Variants in TTC31 observed in about 807,000 individuals in gnomAD.
The protein encoded by TTC31 is tetratricopeptide repeat protein 31.
Under a neutral mutation model 60.4 loss-of-function variants are expected in TTC31, and 59 were observed. The observed-to-expected ratio is 0.98, with a 90% CI of 0.79 to 1.21. TTC31 has a LOEUF of 1.21. TTC31 is among the 50% of genes most tolerant of loss of function. TTC31 has a pLI of 0.00. For synonymous variants in TTC31, 225 were observed against 249.6 expected, an observed-to-expected ratio of 0.90 and a Z score of 0.93; for missense variants, 672 against 646.9, an observed-to-expected ratio of 1.04 and a Z score of -0.42.
chr2:74,490,191 A>G, intron 3 of TTC31, 53 bp from the exon 4 acceptor site: 1 of 1,610,688 alleles, frequency 6.2e-7, no homozygotes, highest in Non-Finnish European at 8.5e-7. Context: ...TGACCCTCAG[A>G]TGCACCCCGC....
Position 74,493,308 on chromosome 2 carries a change from C to G in TTC31, c.*90C>G. 7.5e-7 allele frequency: 1 copy of G among 1,333,474 alleles called. No homozygotes were observed. Among genetic ancestry groups the G allele is most frequent in the Non-Finnish European group, 1.0e-6 (1 of 969,288 alleles). 82.6% of individuals were successfully genotyped at this position (1,333,474 alleles called of 1,614,324 possible). ...TGACAGTTCACTGCATATTTTGAGA[C>G]CTTATTCTCTAGATCCATAGTTAAT... On this transcript the variant is annotated 3_prime_UTR_variant, in exon 13 of 13. Coordinates refer to ENST00000233623, the MANE Select transcript of TTC31 (RefSeq NM_022492.6).
rs887659704 is a variant in TTC31, at chr2:74,488,800, C to T, written c.130-1225C>T. On this transcript the variant is annotated intron_variant, in intron 2 of 12. Transcript: ENST00000233623. ...AAATAGTCGGCCGGGCACAGGGGCTCACACCTGCAATCCCAGCACTTTGGG... is the reference window on the plus strand; with the variant it reads ...AAATAGTCGGCCGGGCACAGGGGCTTACACCTGCAATCCCAGCACTTTGGG... 8.5e-5 allele frequency among the ~76,000 whole-genome samples: 13 copies of T among 152,160 alleles called. 1 individual carries two copies. Among genetic ancestry groups the T allele is most frequent in the Admixed American group, 7.9e-4 (12 of 15,270 alleles).
Position 74,492,319 on chromosome 2 carries a change from T to C in TTC31, c.1035T>C (p.Arg345=). ...NPQDHRLFGN[R]SFCHERLGQP... is the part of the protein sequence containing the mutation. ...TCTTTATCAGGTTATTTGGAAATCG[T>C]TCCTTCTGCCATGAGCGGTTGGGTC... The change falls in exon 11 of 13, where the codon CGT becomes CGC. Residue 345 remains arginine (R), a synonymous_variant. Coordinates refer to ENST00000233623, the MANE Select transcript of TTC31 (RefSeq NM_022492.6). The C allele has an allele frequency of 6.3e-7, 1 of 1,592,198 alleles. No homozygotes were observed.
chr2:74,491,264 C>G (rs1277776698), intron 6 of TTC31, 31 bp from the exon 7 acceptor site: 1 of 1,613,946 alleles, frequency 6.2e-7, no homozygotes, highest in Non-Finnish European at 8.5e-7. Context: ...CAAGGTGATC[C>G]CAACTCTGTA....
chr2:74,492,014 G>C lies in TTC31; in HGVS notation c.887G>C (p.Gly296Ala). ...GCACCCTATCCCCAGGCATCTCCGG[G>C]ACTGCTGGCAGCTGCCTTACAACAG... Reference protein sequence around the residue: ...QQSPKVQASPGLLAAALQQSQ... With the variant: ...QQSPKVQASPALLAAALQQSQ... Residue 296 changes from glycine to alanine, a missense_variant, in exon 9 of 13, where the codon GGA (glycine) becomes GCA (alanine). Gly to Ala is a moderately conservative substitution (Grantham distance 60, BLOSUM62 0). Transcript: ENST00000233623. The C allele has an allele frequency of 1.2e-6, 2 of 1,614,224 alleles. No homozygotes were observed.
rs556948974 is a variant in TTC31 at position 74,492,499 on chromosome 2, G to A, written c.1161+54G>A. The A allele has an allele frequency of 3.9e-6, 6 of 1,529,386 alleles. No homozygotes were observed. In the African/African-American group the frequency reaches 6.9e-5, roughly 18 times the overall value. 94.7% of individuals were successfully genotyped at this position (1,529,386 alleles called of 1,614,324 possible). On this transcript the variant is annotated intron_variant, in intron 11 of 12. Coordinates refer to ENST00000233623, the MANE Select transcript of TTC31 (RefSeq NM_022492.6). ...AGATTTGAGTGGGATGGAGTGGGGA[G>A]AGGGTCTATGTTGACTTTCTAGATA...
At chr2:74,484,392 G>A (rs1221126534) in intron 2 of TTC31, among the ~76,000 whole-genome samples, 1 of 152,176 alleles carries the variant, frequency 6.6e-6, no homozygotes, top group Non-Finnish European at 1.5e-5. Flanking sequence ...GAAGGCAGCA[G>A]ATGGCTTGAA....
intron 2 of TTC31, 90 bp downstream of exon 2, chr2:74,483,500 G>A (rs1042140044): frequency 6.3e-7 from 1 of 1,592,146 alleles, no homozygotes; most frequent in Admixed American, 1.8e-5. Flanking sequence ...ACGGATGGGC[G>A]CCAGACGGGG....
chr2:74,484,518 G>C (rs1169673768), intron 2 of TTC31, among the ~76,000 whole-genome samples: 1 of 151,860 alleles, frequency 6.6e-6, no homozygotes, highest in East Asian at 1.9e-4. Context: ...GAGTGCAGTG[G>C]TGTGATCTTG....
At chr2:74,484,448 C>T (rs1672844781) in intron 2 of TTC31, among the ~76,000 whole-genome samples, 1 of 151,704 alleles carries the variant, frequency 6.6e-6, no homozygotes, top group South Asian at 2.1e-4. Context: ...AAGTAGGCAA[C>T]AGAGTTTTTT....
At chr2:74,484,573 C>G (rs542446811) in intron 2 of TTC31, among the ~76,000 whole-genome samples, 5 of 152,014 alleles carry the variant, frequency 3.3e-5, no homozygotes, top group Non-Finnish European at 7.4e-5. Context: ...ATTCTTCTGC[C>G]TCAGCCTCCT....
Position 74,493,039 on chromosome 2 carries a change from G to T in TTC31, c.1381G>T (p.Ala461Ser). 3 of 1,614,110 alleles carry T rather than the reference G, an allele frequency of 1.9e-6. No homozygotes were observed. Among genetic ancestry groups the T allele is most frequent in the Non-Finnish European group, 2.5e-6 (3 of 1,180,018 alleles). ...LPSLRCPRST[A>S]LRSPGLSPLL... ...TTCCCTCAGGTGCCCTCGAAGCACTGCTTTGAGGTCCCCTGGCCTGTCTCC... is the reference window on the plus strand; with the variant it reads ...TTCCCTCAGGTGCCCTCGAAGCACTTCTTTGAGGTCCCCTGGCCTGTCTCC... Residue 461 changes from alanine to serine, a missense_variant, in exon 13 of 13, where the codon GCT becomes TCT. Coordinates refer to ENST00000233623, the MANE Select transcript of TTC31 (RefSeq NM_022492.6).
rs1674195508 is a variant in TTC31, at chr2:74,493,726, T to C, written c.*508T>C. Reference sequence around the variant, plus strand: ...GATTACTCACAGCTCCTCATGCCATTTCCTGTCCAGATTGCTATGTATGAC... The same window carrying C: ...GATTACTCACAGCTCCTCATGCCATCTCCTGTCCAGATTGCTATGTATGAC... On this transcript the variant is annotated 3_prime_UTR_variant, in exon 13 of 13. Transcript: ENST00000233623. 6.4e-6 allele frequency: 1 copy of C among 156,918 alleles called. No individual in the cohort carries two copies. The highest frequency in any genetic ancestry group is 2.4e-5 in the African/African-American group (1 of 41,470). 9.7% of individuals were successfully genotyped at this position (156,918 alleles called of 1,614,324 possible). A position where few individuals can be genotyped will look rare whatever the true frequency, so the allele number is the denominator to read the frequency against.
At position 74,483,278 on chromosome 2, in the gene TTC31, C is replaced by T. The variant is rs1422574709; in HGVS notation, c.41-44C>T. 21 of 1,613,268 alleles carry T rather than the reference C, an allele frequency of 1.3e-5. 1 individual carries two copies. Among genetic ancestry groups the T allele is most frequent in the Non-Finnish European group, 1.5e-5 (18 of 1,180,040 alleles). On this transcript the variant is annotated intron_variant, in intron 1 of 12. Coordinates refer to ENST00000233623, the MANE Select transcript of TTC31 (RefSeq NM_022492.6). ...TAGAGTGGGGAGGACTCTAGCCCAT[C>T]TGTCCCGAGCCCGCTGACGAGGCTC... is the stretch of plus-strand genomic sequence containing the variant.
At chr2:74,488,360 T>G (rs2104184512) in intron 2 of TTC31, among the ~76,000 whole-genome samples, 1 of 152,286 alleles carries the variant, frequency 6.6e-6, no homozygotes, top group South Asian at 2.1e-4. Context: ...CGCTGGAGTT[T>G]CTAAGTTTGT....
Position 74,490,733 on chromosome 2 carries a change from G to T in TTC31, c.540G>T (p.Lys180Asn). 1 of 1,612,716 alleles carries T rather than the reference G, an allele frequency of 6.2e-7. No individual in the cohort carries two copies. The highest frequency in any genetic ancestry group is 8.5e-7 in the Non-Finnish European group (1 of 1,179,424). The change falls in exon 5 of 13, where the codon AAG becomes AAT. Residue 180 changes from lysine to asparagine, a missense_variant. Lys to Asn is a moderately conservative substitution (Grantham distance 94). Coordinates refer to ENST00000233623, the MANE Select transcript of TTC31 (RefSeq NM_022492.6). ...MKQKAEKKRL[K>N]KKRQKERKRQ... is the part of the protein sequence containing the mutation. ...AGAAAGCAGAGAAAAAGCGACTCAA[G>T]AAGAAGGTGGCTAGAGCATGGCTGG...
chr2:74,491,465 T>C lies in TTC31; in HGVS notation c.685-16T>C, dbSNP rs1323496509. On this transcript the variant is annotated splice_polypyrimidine_tract_variant and intron_variant, in intron 7 of 12. Coordinates refer to ENST00000233623, the MANE Select transcript of TTC31 (RefSeq NM_022492.6). ...TTCATCCCCACCCCCTCCCTAACTT[T>C]CCATTTTGTTCACAGGACTCACTGG... is the stretch of plus-strand genomic sequence containing the variant. 1.9e-6 allele frequency: 3 copies of C among 1,611,824 alleles called. No homozygotes were observed. The highest frequency in any genetic ancestry group is 2.5e-6 in the Non-Finnish European group (3 of 1,178,700).
At chr2:74,489,103 G>A (rs1189938656) in intron 2 of TTC31, among the ~76,000 whole-genome samples, 2 of 152,196 alleles carry the variant, frequency 1.3e-5, no homozygotes, top group Non-Finnish European at 2.9e-5. Flanking sequence ...CCAGCACAAT[G>A]CCCTTTGGAA....
intron 6 of TTC31, 55 bp downstream of exon 6, chr2:74,491,239 A>C (rs1673840362): frequency 6.2e-7 from 1 of 1,614,066 alleles, no homozygotes; most frequent in Admixed American, 1.7e-5. Context: ...GTGAGGGCCA[A>C]GAAAGCAGGC....
Sources: allele counts gnomAD v4.1 joint callset (sites outside exome capture counted in the v4.1 genomes callset), GRCh38; gene constraint gnomAD v4.1.1; transcripts MANE v1.5; gene names NCBI Gene and HGNC (gene_info 2026-07-23, HGNC 2026-07-21).